TEAD1: variants seen among roughly 807,000 people sequenced by gnomAD.
TEAD1 encodes TEA domain transcription factor 1.
Under a neutral mutation model 54.9 loss-of-function variants are expected in TEAD1, and 9 were observed. The observed-to-expected ratio is 0.16, with a 90% CI of 0.10 to 0.29. The LOEUF (loss-of-function observed/expected upper bound fraction) is 0.29, where lower values mean the gene tolerates loss of function less well. TEAD1 is among the 10% of genes least tolerant of loss of function. The pLI, the probability that TEAD1 is intolerant of heterozygous loss-of-function variation, is 1.00. For synonymous variants in TEAD1, 200 were observed against 187.8 expected (o/e 1.07, Z -0.53); for missense variants, 387 against 535.9 (o/e 0.72, Z 2.74).
At chr11:12,804,550 C>T (rs1564945653) in intron 3 of TEAD1, among the ~76,000 whole-genome samples, 1 of 152,166 alleles carries the variant, frequency 6.6e-6, no homozygotes, top group Non-Finnish European at 1.5e-5. Context: ...GAGTGACAAA[C>T]ATGTGTTGTA....
intron 2 of TEAD1, among the ~76,000 whole-genome samples, chr11:12,752,298 A>T (rs1944891798): frequency 1.3e-5 from 2 of 148,870 alleles, no homozygotes; most frequent in African/African-American, 5.0e-5. Context: ...AAAAGGGCAC[A>T]CACATCATCA....
chr11:12,792,399 G>A (rs7940308), intron 3 of TEAD1, among the ~76,000 whole-genome samples: 2,029 of 144,094 alleles, frequency 0.014, 55 homozygotes, highest in African/African-American at 0.05. Flanking sequence ...TATGAAGAAA[G>A]TTTTGACCTA....
intron 5 of TEAD1, among the ~76,000 whole-genome samples, chr11:12,873,721 C>T (rs1194909142): frequency 2.0e-5 from 3 of 152,150 alleles, no homozygotes; most frequent in African/African-American, 2.4e-5. Flanking sequence ...GAAAAAAAAT[C>T]AAGTGCCCTC....
chr11:12,684,650 C>T (rs1451001838), intron 2 of TEAD1, among the ~76,000 whole-genome samples: 1 of 152,148 alleles, frequency 6.6e-6, no homozygotes, highest in Non-Finnish European at 1.5e-5. Context: ...ATGATGTTAT[C>T]TACTTGGAAG....
At chr11:12,842,419 G>T (rs774671456) in intron 3 of TEAD1, among the ~76,000 whole-genome samples, 1 of 152,188 alleles carries the variant, frequency 6.6e-6, no homozygotes, top group African/African-American at 2.4e-5. Context: ...CTAAGCTTGC[G>T]GGAGTTAGGA....
At chr11:12,756,936 A>G (rs77513875) in intron 2 of TEAD1, among the ~76,000 whole-genome samples, 4,458 of 152,266 alleles carry the variant, frequency 0.029, 212 homozygotes, top group African/African-American at 0.099. Flanking sequence ...TTTGGAAGTA[A>G]AGCACCTTTT....
intron 2 of TEAD1, among the ~76,000 whole-genome samples, chr11:12,719,306 G>T (rs1366903131): frequency 6.6e-6 from 1 of 152,130 alleles, no homozygotes; most frequent in Non-Finnish European, 1.5e-5. Flanking sequence ...ATTGCGTCCT[G>T]TGGAGGAATG....
intron 2 of TEAD1, among the ~76,000 whole-genome samples, chr11:12,734,279 G>A (rs1170335688): frequency 6.6e-6 from 1 of 152,120 alleles, no homozygotes; most frequent in East Asian, 1.9e-4. Context: ...AAAGCTTATA[G>A]AAAAAGACAT....
chr11:12,823,675 G>A (rs1388849275), intron 3 of TEAD1: 4 of 152,208 alleles, frequency 2.6e-5, no homozygotes, highest in South Asian at 2.1e-4. Context: ...ATGGGAAAAG[G>A]TGCAAAGCTG....
At chr11:12,738,740 C>T (rs1034555649) in intron 2 of TEAD1, among the ~76,000 whole-genome samples, 1 of 152,194 alleles carries the variant, frequency 6.6e-6, no homozygotes, top group Non-Finnish European at 1.5e-5. Context: ...CTCCTTAAGA[C>T]AGCCTGGCAT....
At chr11:12,689,024 TG>T (rs1354943881) in intron 2 of TEAD1, among the ~76,000 whole-genome samples, 7 of 151,562 alleles carry the variant, frequency 4.6e-5, no homozygotes, top group Admixed American at 1.3e-4. Context: ...TTTTTTTTTT[TG>T]TTGTTGTTTA....
intron 3 of TEAD1, among the ~76,000 whole-genome samples, chr11:12,769,849 A>G (rs1945279798): frequency 6.6e-6 from 1 of 152,176 alleles, no homozygotes; most frequent in Non-Finnish European, 1.5e-5. Flanking sequence ...CAAGGCCTGG[A>G]ATATAGAAGG....
intron 3 of TEAD1, among the ~76,000 whole-genome samples, chr11:12,785,870 A>G (rs1285457160): frequency 1.3e-5 from 2 of 152,184 alleles, no homozygotes; most frequent in South Asian, 4.1e-4. Context: ...TAGGGTGGGT[A>G]TGTCATAATT....
At chr11:12,885,204 C>T (rs1948061954) in intron 9 of TEAD1, among the ~76,000 whole-genome samples, 1 of 151,358 alleles carries the variant, frequency 6.6e-6, no homozygotes, top group Non-Finnish European at 1.5e-5. Context: ...TAAAAGATCA[C>T]CTCCCAGTTT....
At chr11:12,803,132 C>T (rs184906362) in intron 3 of TEAD1, among the ~76,000 whole-genome samples, 1 of 151,668 alleles carries the variant, frequency 6.6e-6, no homozygotes, top group East Asian at 1.9e-4. Flanking sequence ...CATAAAACTG[C>T]TGTTCTCTCC....
chr11:12,682,328 A>G (rs2133812509), intron 2 of TEAD1, among the ~76,000 whole-genome samples: 1 of 152,314 alleles, frequency 6.6e-6, no homozygotes, highest in Non-Finnish European at 1.5e-5. Flanking sequence ...ATGAACCAGA[A>G]CCACCTTCTC....
intron 3 of TEAD1, among the ~76,000 whole-genome samples, chr11:12,838,691 C>A (rs2134029584): frequency 6.6e-6 from 1 of 152,254 alleles, no homozygotes; most frequent in East Asian, 1.9e-4. Flanking sequence ...CTTTTGGTTT[C>A]TTTTTGCTTT....
At chr11:12,707,951 G>A (rs900941608) in intron 2 of TEAD1, among the ~76,000 whole-genome samples, 12 of 152,210 alleles carry the variant, frequency 7.9e-5, no homozygotes, top group Non-Finnish European at 1.6e-4. Context: ...TGCAGAGACT[G>A]CAGCATGAAA....
In TEAD1 at chr11:12,937,431, G is replaced by A. The variant is rs1205484263; in HGVS notation, c.*209G>A. ...ACTATCATTGTAGCTGTGAAGTTCT[G>A]GTACAGTTGTAAAAAGAGAAATTGA... On this transcript the variant is annotated 3_prime_UTR_variant, in exon 13 of 13. Coordinates refer to ENST00000527636, the MANE Select transcript of TEAD1 (RefSeq NM_021961.6). 1 of 455,056 alleles carries A rather than the reference G, an allele frequency of 2.2e-6. No individual in the cohort carries two copies. Among genetic ancestry groups the A allele is most frequent in the Non-Finnish European group, 4.0e-6 (1 of 249,470 alleles). The allele number at this position is 455,056 out of a possible 1,614,324, so 28.2% of individuals were successfully genotyped here. A position where few individuals can be genotyped will look rare whatever the true frequency, so the allele number is the denominator to read the frequency against.
Sources: gnomAD v4.1 joint callset for allele counts (sites outside exome capture counted in the v4.1 genomes callset) on GRCh38, gnomAD v4.1.1 for gene constraint, MANE v1.5 for transcripts, NCBI Gene and HGNC (gene_info 2026-07-23, HGNC 2026-07-21) for gene names.